The following MYT1L variants were observed in gnomAD, a reference collection of about 807,000 sequenced individuals.
MYT1L encodes the protein myelin transcription factor 1-like protein.
A neutral mutation model predicts 126.7 loss-of-function variants in MYT1L; 12 were observed. The ratio of observed to expected loss-of-function variants is 0.09; its 90% CI spans 0.06 to 0.15. The LOEUF (loss-of-function observed/expected upper bound fraction) is 0.15. Ranked by LOEUF, MYT1L falls within the 10% of genes least tolerant of loss-of-function variation. The pLI is 1.00. For synonymous variants in MYT1L, 541 were observed against 604.2 expected, an observed-to-expected ratio of 0.90 and a Z score of 1.53; for missense variants, 979 against 1,585.2, an observed-to-expected ratio of 0.62 and a Z score of 6.49.
intron 2 of MYT1L, among the ~76,000 whole-genome samples, chr2:2,191,967 T>C (rs1353943435): frequency 1.3e-5 from 2 of 152,238 alleles, no homozygotes; most frequent in African/African-American, 4.8e-5. Context: ...ACAGATGAGA[T>C]GACAGACTGC....
chr2:2,213,339 G>A (rs2093587415), intron 2 of MYT1L, among the ~76,000 whole-genome samples: 1 of 152,118 alleles, frequency 6.6e-6, no homozygotes, highest in Admixed American at 6.6e-5. Context: ...TAGTGTCCAG[G>A]GAGACCAATA....
At chr2:2,269,541 C>A (rs1157946359) in intron 2 of MYT1L, among the ~76,000 whole-genome samples, 1 of 152,142 alleles carries the variant, frequency 6.6e-6, no homozygotes, top group Non-Finnish European at 1.5e-5. Flanking sequence ...TGACTCCCAT[C>A]CTACTTCTGC....
At chr2:1,956,188 G>GCTGT (rs762129997) in intron 8 of MYT1L, among the ~76,000 whole-genome samples, 7,138 of 64,962 alleles carry the variant, frequency 0.11, 271 homozygotes, top group East Asian at 0.32. Flanking sequence ...CATTTACCTA[G>GCTGT]CTGTCTATCT....
intron 4 of MYT1L, among the ~76,000 whole-genome samples, chr2:2,021,806 A>G (rs1441860326): frequency 6.6e-6 from 1 of 152,144 alleles, no homozygotes; most frequent in Non-Finnish European, 1.5e-5. Flanking sequence ...CTGAGGCAGG[A>G]GAATGGCGTG....
intron 3 of MYT1L, among the ~76,000 whole-genome samples, chr2:2,134,787 G>A (rs1321378157): frequency 6.6e-6 from 1 of 152,166 alleles, no homozygotes. Context: ...ATAACCCAAA[G>A]GAACTAAGAT....
chr2:1,796,184 C>T (rs1250904968), intron 23 of MYT1L, among the ~76,000 whole-genome samples: 1 of 152,238 alleles, frequency 6.6e-6, no homozygotes, highest in Non-Finnish European at 1.5e-5. Flanking sequence ...CTGCGTGGTC[C>T]AGAAGCCTAA....
intron 1 of MYT1L, among the ~76,000 whole-genome samples, chr2:2,318,851 C>T (rs2096113521): frequency 6.6e-6 from 1 of 152,158 alleles, no homozygotes; most frequent in Non-Finnish European, 1.5e-5. Flanking sequence ...AGACATGTGG[C>T]TTTTTGATGC....
At chr2:1,982,571 A>G (rs2060689832) in intron 5 of MYT1L, among the ~76,000 whole-genome samples, 1 of 152,218 alleles carries the variant, frequency 6.6e-6, no homozygotes, top group Non-Finnish European at 1.5e-5. Context: ...TGGATGTTTC[A>G]GGTTAAAAAG....
rs1253469227 is a variant in MYT1L at position 1,946,787 on chromosome 2, A to C, written c.153-3453T>G. The stretch of plus-strand genomic sequence containing the variant: ...TTGTGAGGGGATAATCTGAGATAAT[A>C]ATCTCAGAGCCAGCCACACCTTCAT... On this transcript the variant is annotated intron_variant, in intron 8 of 24. Coordinates refer to ENST00000647738, the MANE Select transcript of MYT1L (RefSeq NM_001303052.2). Among the ~76,000 whole-genome samples, 6 of 152,304 alleles carry C rather than the reference A, an allele frequency of 3.9e-5. No individual in the cohort carries two copies. The East Asian group carries it at 1.2e-3, about 29-fold the overall frequency.
intron 4 of MYT1L, among the ~76,000 whole-genome samples, chr2:1,997,888 A>G (rs1026158178): frequency 6.6e-6 from 1 of 152,194 alleles, no homozygotes; most frequent in East Asian, 1.9e-4. Context: ...CTTACCCATT[A>G]TGTCATTTGG....
intron 23 of MYT1L, among the ~76,000 whole-genome samples, chr2:1,797,527 C>T (rs931818119): frequency 6.6e-6 from 1 of 152,106 alleles, no homozygotes; most frequent in Non-Finnish European, 1.5e-5. Flanking sequence ...GCCAGGGGCC[C>T]GGACTTCTGA....
chr2:2,300,242 G>T (rs560351933), intron 1 of MYT1L, among the ~76,000 whole-genome samples: 1 of 152,198 alleles, frequency 6.6e-6, no homozygotes, highest in Non-Finnish European at 1.5e-5. Context: ...GGATACATGT[G>T]AGTAGAGGCA....
intron 2 of MYT1L, among the ~76,000 whole-genome samples, chr2:2,174,193 G>T (rs1343761427): frequency 6.6e-6 from 1 of 152,126 alleles, no homozygotes; most frequent in East Asian, 1.9e-4. Context: ...TATCAGTTTG[G>T]AGTTATTTTG....
chr2:2,280,602 T>A (rs983299232), intron 2 of MYT1L, among the ~76,000 whole-genome samples: 3 of 152,166 alleles, frequency 2.0e-5, no homozygotes, highest in Non-Finnish European at 2.9e-5. Context: ...AATGTTTCCT[T>A]CCCTAGTGTT....
intron 13 of MYT1L, among the ~76,000 whole-genome samples, chr2:1,903,677 T>C (rs1012671949): frequency 5.9e-5 from 9 of 152,128 alleles, no homozygotes; most frequent in African/African-American, 2.2e-4. Context: ...ACAAAGATGT[T>C]GCCTCGATAA....
chr2:2,200,417 C>T (rs915706064), intron 2 of MYT1L, among the ~76,000 whole-genome samples: 5 of 152,188 alleles, frequency 3.3e-5, no homozygotes, highest in Admixed American at 2.6e-4. Flanking sequence ...TGGAGGCCAC[C>T]GGCATTCTGT....
At chr2:1,856,099 C>T (rs180898381) in intron 18 of MYT1L, among the ~76,000 whole-genome samples, 25 of 152,138 alleles carry the variant, frequency 1.6e-4, no homozygotes, top group African/African-American at 5.5e-4. Context: ...AAAACAAAAC[C>T]ACCCAAGCAA....
intron 18 of MYT1L, among the ~76,000 whole-genome samples, chr2:1,866,805 G>A (rs1573011351): frequency 1.4e-5 from 1 of 73,314 alleles, no homozygotes; most frequent in East Asian, 4.2e-4. Flanking sequence ...GAGAGGCAGA[G>A]AAGGGGGGAG....
chr2:1,914,843 T>C (rs190702064), intron 11 of MYT1L, among the ~76,000 whole-genome samples: 1 of 152,350 alleles, frequency 6.6e-6, no homozygotes, highest in Admixed American at 6.5e-5. Flanking sequence ...CCACAACCAC[T>C]GTCTTTTCCA....
Sources: allele counts gnomAD v4.1 joint callset (sites outside exome capture counted in the v4.1 genomes callset), GRCh38; gene constraint gnomAD v4.1.1; transcripts MANE v1.5; gene names NCBI Gene and HGNC (gene_info 2026-07-23, HGNC 2026-07-21).